DRC1: variants seen among roughly 807,000 people sequenced by gnomAD.
DRC1 encodes dynein regulatory complex protein 1.
Under a neutral mutation model 98.7 loss-of-function variants are expected in DRC1, and 74 were observed. The observed-to-expected ratio is 0.75, with a 90% CI of 0.62 to 0.91. The LOEUF is 0.91. Among genes scored for constraint, DRC1 ranks in the 40% least tolerant of loss-of-function variants. The pLI, the probability that DRC1 is intolerant of heterozygous loss-of-function variation, is 0.00. For synonymous variants in DRC1, 336 were observed against 334.1 expected (o/e 1.01, Z -0.06); for missense variants, 875 against 886.0 (o/e 0.99, Z 0.16).
chr2:26,431,376 C>T (rs72852779), intron 6 of DRC1, among the ~76,000 whole-genome samples: 3 of 152,122 alleles, frequency 2.0e-5, no homozygotes, highest in Non-Finnish European at 4.4e-5. Flanking sequence ...GTGAGTACCA[C>T]CCGGGCAGCT....
At chr2:26,428,661 A>G (rs1041719669) in intron 4 of DRC1, among the ~76,000 whole-genome samples, 1 of 152,086 alleles carries the variant, frequency 6.6e-6, no homozygotes, top group African/African-American at 2.4e-5. Flanking sequence ...AGCCAGGCAT[A>G]GTGATGGGCG....
At chr2:26,406,446 C>A (rs527934550) in intron 1 of DRC1, among the ~76,000 whole-genome samples, 1 of 152,172 alleles carries the variant, frequency 6.6e-6, no homozygotes, top group Non-Finnish European at 1.5e-5. Context: ...TGGTGGCTCA[C>A]GCCTATAATC....
chr2:26,447,207 G>A (rs1181486847), intron 10 of DRC1, among the ~76,000 whole-genome samples: 2 of 151,978 alleles, frequency 1.3e-5, no homozygotes, highest in Admixed American at 6.6e-5. Flanking sequence ...GAGGTCAGGA[G>A]TTTGAGACCA....
At chr2:26,410,279 T>TATTATC (rs1678563518) in intron 1 of DRC1, among the ~76,000 whole-genome samples, 1 of 148,694 alleles carries the variant, frequency 6.7e-6, no homozygotes, top group Non-Finnish European at 1.5e-5. Context: ...TTATTATTAT[T>TATTATC]ATTAATTTTG....
intron 1 of DRC1, among the ~76,000 whole-genome samples, chr2:26,407,751 A>G (rs2147976156): frequency 6.6e-6 from 1 of 152,090 alleles, no homozygotes; most frequent in South Asian, 2.1e-4. Context: ...GCCAGTTTGG[A>G]CCGGTTCCCT....
At chr2:26,430,946 G>T in intron 6 of DRC1, 74 bp downstream of exon 6, 4 of 886,862 alleles carry the variant, frequency 4.5e-6, no homozygotes, top group Non-Finnish European at 6.8e-6. Flanking sequence ...TTGCTAGCTA[G>T]CCTTTTTCTA....
At chr2:26,412,944 G>A (rs572277218) in intron 1 of DRC1, among the ~76,000 whole-genome samples, 2 of 151,938 alleles carry the variant, frequency 1.3e-5, no homozygotes, top group Admixed American at 6.6e-5. Flanking sequence ...CACCACGCCC[G>A]GCTAATTTTT....
At chr2:26,428,722 C>T (rs1572367049) in intron 4 of DRC1, among the ~76,000 whole-genome samples, 2 of 151,700 alleles carry the variant, frequency 1.3e-5, no homozygotes, top group Admixed American at 6.6e-5. Context: ...GGCGTGAACC[C>T]GGGAGGTGGA....
chr2:26,431,565 T>C (rs1016142133), intron 6 of DRC1, among the ~76,000 whole-genome samples: 8 of 152,238 alleles, frequency 5.3e-5, no homozygotes, highest in Non-Finnish European at 1.2e-4. Flanking sequence ...ATAGACTTTT[T>C]AGAAATATAA....
At chr2:26,413,437 C>T (rs910900263) in intron 1 of DRC1, among the ~76,000 whole-genome samples, 1 of 152,148 alleles carries the variant, frequency 6.6e-6, no homozygotes, top group African/African-American at 2.4e-5. Context: ...GCCTTTTAGA[C>T]ACGTTGTTAT....
chr2:26,455,201 C>T lies in DRC1; in HGVS notation c.2134C>T (p.Gln712Ter), dbSNP rs763706980. The T allele has an allele frequency of 4.3e-6, 7 of 1,613,866 alleles. No individual in the cohort carries two copies. The Admixed American group carries it at 1.2e-4, about 27-fold the overall frequency. The change falls in exon 16 of 17, where the codon CAG becomes TAG. Residue 712 changes from glutamine to a stop codon, truncating the protein, a stop_gained. Coordinates refer to ENST00000288710, the MANE Select transcript of DRC1 (RefSeq NM_145038.5). LOFTEE classifies it high-confidence loss of function. ...SSLEQQNTEL[Q>*]ALLQQYLNSK... ...TCTGGAGCAGCAGAACACAGAGCTG[C>T]AGGCGCTACTGCAGCAGTATCTGAA...
intron 2 of DRC1, among the ~76,000 whole-genome samples, chr2:26,420,743 CT>C (rs938952758): frequency 1.4e-5 from 2 of 148,002 alleles, no homozygotes; most frequent in Admixed American, 6.9e-5. Context: ...TTCTCTTTTT[CT>C]TTTTTCTTTC....
intron 7 of DRC1, among the ~76,000 whole-genome samples, chr2:26,436,882 G>T (rs1401713404): frequency 2.0e-5 from 3 of 152,124 alleles, no homozygotes; most frequent in Non-Finnish European, 4.4e-5. Flanking sequence ...TCAGTTCCCG[G>T]GAAGACAGAA....
intron 7 of DRC1, 45 bp from the exon 8 acceptor site, chr2:26,440,333 G>GTGTA (rs1558449262): frequency 6.6e-7 from 1 of 1,517,170 alleles, no homozygotes; most frequent in South Asian, 1.3e-5. Flanking sequence ...GTGTGTGTGT[G>GTGTA]TGTGTGTGTG....
At chr2:26,436,809 G>A (rs1362128140) in intron 7 of DRC1, among the ~76,000 whole-genome samples, 1 of 152,108 alleles carries the variant, frequency 6.6e-6, no homozygotes, top group East Asian at 1.9e-4. Context: ...GAAGAAGGAG[G>A]GCTTCCTGGA....
At chr2:26,444,624 C>A in intron 9 of DRC1, 92 bp from the exon 10 acceptor site, 1 of 1,266,314 alleles carries the variant, frequency 7.9e-7, no homozygotes, top group Non-Finnish European at 1.1e-6. Flanking sequence ...ATTAGCACAG[C>A]TCCTTTTCAT....
At position 26,452,840 on chromosome 2, in the gene DRC1, T is replaced by C. The variant is rs1033929308; in HGVS notation, c.1690-480T>C. On this transcript the variant is annotated intron_variant, in intron 13 of 16. Transcript: ENST00000288710. ...TGTCAAAACGAGAAGGAGGAGTATA[T>C]ATGGAAAGGTATGCGCATGTATTTA... 5.3e-5 allele frequency among the ~76,000 whole-genome samples: 8 copies of C among 152,282 alleles called. No homozygotes were observed. The South Asian group carries it at 1.7e-3, about 32-fold the overall frequency.
At chr2:26,446,718 G>T (rs555098879) in intron 10 of DRC1, among the ~76,000 whole-genome samples, 1 of 152,228 alleles carries the variant, frequency 6.6e-6, no homozygotes. Flanking sequence ...GATTACTAAA[G>T]ACAGTTTACA....
At chr2:26,419,764 T>A (rs1006424001) in intron 2 of DRC1, among the ~76,000 whole-genome samples, 6 of 152,164 alleles carry the variant, frequency 3.9e-5, no homozygotes, top group African/African-American at 1.4e-4. Context: ...CTAAGGATAC[T>A]CGAACTTTTT....
Sources: allele counts gnomAD v4.1 joint callset (sites outside exome capture counted in the v4.1 genomes callset), GRCh38; gene constraint gnomAD v4.1.1; transcripts MANE v1.5; gene names NCBI Gene and HGNC (gene_info 2026-07-23, HGNC 2026-07-21).